The following HERC2 variants were observed in gnomAD, a reference collection of about 807,000 sequenced individuals.
The protein encoded by HERC2 is E3 ubiquitin-protein ligase HERC2.
Under a neutral mutation model 537.7 loss-of-function variants are expected in HERC2, and 102 were observed. That is an observed-to-expected ratio of 0.19 (90% CI 0.16 to 0.22). The LOEUF (loss-of-function observed/expected upper bound fraction) is 0.22. HERC2 is among the 10% of genes least tolerant of loss of function. The pLI, the probability that HERC2 is intolerant of heterozygous loss-of-function variation, is 1.00. For synonymous variants in HERC2, 2,224 were observed against 2,466.2 expected (o/e 0.90, Z 2.91); for missense variants, 4,236 against 6,198.2 (o/e 0.68, Z 10.63).
chr15:28,283,968 T>C (rs1320857056), intron 4 of HERC2, among the ~76,000 whole-genome samples: 1 of 152,218 alleles, frequency 6.6e-6, no homozygotes, highest in East Asian at 1.9e-4. Flanking sequence ...TGAGATATTT[T>C]GGGGATAGGA....
intron 15 of HERC2, among the ~76,000 whole-genome samples, chr15:28,262,018 C>T (rs2075427648): frequency 6.6e-6 from 1 of 152,186 alleles, no homozygotes; most frequent in Non-Finnish European, 1.5e-5. Flanking sequence ...CCAGGTCCAC[C>T]TACTTCAAAT....
chr15:28,270,332 C>T (rs2075687533), intron 10 of HERC2, among the ~76,000 whole-genome samples: 1 of 151,530 alleles, frequency 6.6e-6, no homozygotes, highest in Non-Finnish European at 1.5e-5. Flanking sequence ...ATTATACTGT[C>T]ACTACTATCA....
In HERC2 at chr15:28,263,090, C is replaced by T. The variant is rs1310739123; in HGVS notation, c.1950G>A (p.Leu650=). 1 of 1,614,178 alleles carries T rather than the reference C, an allele frequency of 6.2e-7. No homozygotes were observed. Among genetic ancestry groups the T allele is most frequent in the East Asian group, 2.2e-5 (1 of 44,882 alleles). Residue 650 remains leucine, a synonymous_variant, in exon 15 of 93, where the codon CTG becomes CTA. Transcript: ENST00000261609. ...GGSDGCKTPK[L]IEKLQDLDVV... ...CATCCAAGTCTTGAAGCTTTTCAAT[C>T]AGCTTTGGGGTTTTGCAGCCATCAC...
In HERC2 at chr15:28,178,585, T is replaced by C. The variant is rs573384168; in HGVS notation, c.9163+302A>G. The stretch of plus-strand genomic sequence containing the variant: ...CCTCCAAAATAAACACTCCCTACAC[T>C]GAAAGAGTGGTTTCATTTTCTTTTA... On this transcript the variant is annotated intron_variant, in intron 59 of 92. Coordinates refer to ENST00000261609, the MANE Select transcript of HERC2 (RefSeq NM_004667.6). 1.6e-3 allele frequency among the ~76,000 whole-genome samples: 251 copies of C among 152,322 alleles called. 1 individual carries two copies. Among genetic ancestry groups the C allele is most frequent in the Non-Finnish European group, 3.0e-3 (206 of 68,036 alleles).
chr15:28,117,554 A>C, intron 86 of HERC2: 2 of 492,740 alleles, frequency 4.1e-6, no homozygotes, highest in East Asian at 5.9e-5. Flanking sequence ...GAAATAAGAC[A>C]CCAGGAACTC....
At chr15:28,138,156 C>T (rs995125907) in intron 78 of HERC2, among the ~76,000 whole-genome samples, 8 of 152,148 alleles carry the variant, frequency 5.3e-5, no homozygotes, top group Non-Finnish European at 1.0e-4. Context: ...GGAAAGACGC[C>T]GTCTTCATAA....
At chr15:28,263,734 A>G (rs1412261654) in intron 14 of HERC2, among the ~76,000 whole-genome samples, 2 of 152,206 alleles carry the variant, frequency 1.3e-5, no homozygotes, top group African/African-American at 4.8e-5. Context: ...TGAATTGCTA[A>G]AAAACAGAAT....
In HERC2 at chr15:28,233,765, C is replaced by T; in HGVS notation, c.4250G>A (p.Arg1417Lys). Residue 1417 changes from arginine (R) to lysine (K), a missense_variant, in exon 28 of 93, where the codon AGG (arginine) becomes AAG (lysine). By Grantham distance (26) the Arg-to-Lys change is conservative (BLOSUM62 2). Around this residue, in one of 27 missense-constraint regions of HERC2, gnomAD observed 94 missense variants for 174.9 expected, o/e 0.54. Transcript: ENST00000261609. ...DFLCQIERYC[R>K]QCHLTTPIMF... The stretch of plus-strand genomic sequence containing the variant: ...GATCGGTGTGGTCAAATGGCACTGC[C>T]TACAGTACCTTTCTATTTGACACAA... 1 of 1,612,344 alleles carries T rather than the reference C, an allele frequency of 6.2e-7. No homozygotes were observed. The highest frequency in any genetic ancestry group is 8.5e-7 in the Non-Finnish European group (1 of 1,179,198).
intron 56 of HERC2, among the ~76,000 whole-genome samples, chr15:28,184,837 A>G (rs966275066): frequency 9.9e-5 from 15 of 151,354 alleles, no homozygotes; most frequent in South Asian, 2.1e-4. Context: ...ACTCCAGCCT[A>G]GGTGACGGAG....
Position 28,177,088 on chromosome 15 carries a change from G to C in HERC2, c.9294C>G (p.Thr3098=), listed in dbSNP as rs1895360080. 1.2e-6 allele frequency: 2 copies of C among 1,613,624 alleles called. No homozygotes were observed. Among genetic ancestry groups the C allele is most frequent in the South Asian group, 2.2e-5 (2 of 91,068 alleles). ...DKPRLIEALK[T]KRIRDIACGS... Reference sequence around the variant, plus strand: ...CACAGGCGATATCCCGGATACGCTTGGTTTTCAGGGCCTCGATCAGCCTTG... The same window carrying C: ...CACAGGCGATATCCCGGATACGCTTCGTTTTCAGGGCCTCGATCAGCCTTG... Residue 3098 remains threonine (T), a synonymous_variant, in exon 61 of 93, where the codon ACC becomes ACG. Coordinates refer to ENST00000261609, the MANE Select transcript of HERC2 (RefSeq NM_004667.6). This position sits in a 1 kb window ranked among gnomAD's most constrained non-coding sequence, Gnocchi z 5.0.
intron 30 of HERC2, among the ~76,000 whole-genome samples, chr15:28,232,836 AG>A (rs1902024115): frequency 6.6e-6 from 1 of 152,234 alleles, no homozygotes; most frequent in Non-Finnish European, 1.5e-5. Context: ...TCTCATTACC[AG>A]GATAACTAAT....
At chr15:28,210,926 G>C in intron 44 of HERC2, 76 bp downstream of exon 44, 2 of 1,077,888 alleles carry the variant, frequency 1.9e-6, no homozygotes, top group Non-Finnish European at 2.9e-6. Context: ...CCATTTTTAT[G>C]AACTGATTAT....
At chr15:28,219,862 C>T (rs1379256549) in intron 37 of HERC2, among the ~76,000 whole-genome samples, 3 of 152,144 alleles carry the variant, frequency 2.0e-5, no homozygotes, top group East Asian at 1.9e-4. Context: ...AGAAATGTCA[C>T]GAAACCTCCT....
At position 28,238,506 on chromosome 15, in the gene HERC2, G is replaced by A. The variant is rs1005375048; in HGVS notation, c.3748+96C>T. The A allele has an allele frequency of 1.0e-5, 10 of 974,932 alleles. No homozygotes were observed. The African/African-American group carries it at 1.7e-4, about 16-fold the overall frequency. 60.4% of individuals were successfully genotyped at this position (974,932 alleles called of 1,614,324 possible). ...AGATACATTAAAATATGTGGGGGCT[G>A]GCACAAAACTAAAGAAATCATTTAT... On this transcript the variant is annotated intron_variant, in intron 24 of 92. Transcript: ENST00000261609.
chr15:28,191,938 T>G, intron 53 of HERC2, 23 bp downstream of exon 53: 1 of 1,600,894 alleles, frequency 6.2e-7, no homozygotes, highest in Non-Finnish European at 8.5e-7. Flanking sequence ...AAGTGCCCGC[T>G]GCTGTGCCCT....
chr15:28,232,072 C>T (rs1334549942), intron 30 of HERC2, among the ~76,000 whole-genome samples: 1 of 152,122 alleles, frequency 6.6e-6, no homozygotes, highest in Non-Finnish European at 1.5e-5. Flanking sequence ...TCCAGAGCAC[C>T]CCTCGCATTC....
At chr15:28,191,483 G>A (rs1249723444) in intron 53 of HERC2, among the ~76,000 whole-genome samples, 1 of 152,142 alleles carries the variant, frequency 6.6e-6, no homozygotes, top group African/African-American at 2.4e-5. Flanking sequence ...TCCTGGCCTA[G>A]GGTGGTCCTT....
intron 3 of HERC2, 71 bp downstream of exon 3, chr15:28,299,331 T>C (rs2076556288): frequency 3.3e-6 from 2 of 608,970 alleles, no homozygotes; most frequent in Non-Finnish European, 5.9e-6. Flanking sequence ...TATAGCACAT[T>C]ACAAAATTTC....
At chr15:28,139,974 A>G (rs946346820) in intron 78 of HERC2, among the ~76,000 whole-genome samples, 4 of 151,348 alleles carry the variant, frequency 2.6e-5, no homozygotes, top group African/African-American at 9.7e-5. Context: ...AGGCTGAGGT[A>G]GGAGAATCGC....
Sources: gnomAD v4.1 joint callset for allele counts (sites outside exome capture counted in the v4.1 genomes callset) on GRCh38, gnomAD v4.1.1 for gene constraint, gnomAD v4.1.1 regional missense constraint, Gnocchi (gnomAD v3.1) non-coding constraint, MANE v1.5 for transcripts, NCBI Gene and HGNC (gene_info 2026-07-23, HGNC 2026-07-21) for gene names.